The following PHF7 variants were observed in gnomAD, a reference collection of about 807,000 sequenced individuals.
PHF7 encodes PHD finger protein 7, also known as E3 ubiquitin-protein ligase PHF7.
A neutral mutation model predicts 47.5 loss-of-function variants in PHF7; 24 were observed. The observed-to-expected ratio is 0.51, with a 90% CI of 0.37 to 0.71. PHF7 has a LOEUF of 0.71. Ranked by LOEUF, PHF7 falls within the 30% of genes least tolerant of loss-of-function variation. The pLI, the probability that PHF7 is intolerant of heterozygous loss-of-function variation, is 0.00. For missense variants in PHF7, 361 were observed against 456.8 expected (o/e 0.79, Z 1.91); for synonymous variants, 156 against 153.8 (o/e 1.01, Z -0.11).
rs763322036 is a variant in PHF7 at position 52,412,856 on chromosome 3, G to A, written c.-24G>A. The A allele has an allele frequency of 6.3e-7, 1 of 1,586,974 alleles. No individual in the cohort carries two copies. Among genetic ancestry groups the A allele is most frequent in the Non-Finnish European group, 8.6e-7 (1 of 1,156,452 alleles). ...CTCACAATAGTATAGAAGAATTCAA[G>A]AGAGGAGAGAGAGACAGCACCGAAT... On this transcript the variant is annotated 5_prime_UTR_variant, in exon 2 of 11. Transcript: ENST00000327906.
chr3:52,419,682 C>T lies in PHF7; in HGVS notation c.187-151C>T, dbSNP rs1048118418. On this transcript the variant is annotated intron_variant, in intron 4 of 10. Coordinates refer to ENST00000327906, the MANE Select transcript of PHF7 (RefSeq NM_016483.7). ...TCCTGACCTCGTGATCCGCCCGCCT[C>T]GGCCTCCCAAAGTGCCGGGATTACA... is the stretch of plus-strand genomic sequence containing the variant. The T allele has an allele frequency of 3.2e-5, 21 of 666,074 alleles. 1 individual carries two copies. The highest frequency in any genetic ancestry group is 5.4e-5 in the African/African-American group (3 of 55,850). 41.3% of individuals were successfully genotyped at this position (666,074 alleles called of 1,614,324 possible). A position where few individuals can be genotyped will look rare whatever the true frequency, so the allele number is the denominator to read the frequency against.
At chr3:52,422,195 T>A (rs1389210512) in intron 8 of PHF7, 27 bp from the exon 9 acceptor site, 2 of 1,455,172 alleles carry the variant, frequency 1.4e-6, no homozygotes. Context: ...ATTATGTTCT[T>A]ATTCACTGTT....
chr3:52,416,385 C>T lies in PHF7; in HGVS notation c.186+1798C>T, dbSNP rs139553235. On this transcript the variant is annotated intron_variant, in intron 4 of 10. Coordinates refer to ENST00000327906, the MANE Select transcript of PHF7 (RefSeq NM_016483.7). ...ATTTTTAGTAGAGACAGGGTTTCAC[C>T]GTGTTAGCCAGGATGGTCTCGATCT... Among the ~76,000 whole-genome samples, 678 of 150,770 alleles carry T rather than the reference C, an allele frequency of 4.5e-3. 4 individuals carry two copies. The highest frequency in any genetic ancestry group is 0.024 in the South Asian group (113 of 4,788).
rs746794530 is a variant in PHF7, at chr3:52,412,922, T to C, written c.41+2T>C. Reference sequence around the variant, plus strand: ...AAAGAAGGAATGCCAGAGATTGAGGTAGAAGTAGTTGACATAGGGAATTTG... The same window carrying C: ...AAAGAAGGAATGCCAGAGATTGAGGCAGAAGTAGTTGACATAGGGAATTTG... On this transcript the variant is annotated splice_donor_variant, in intron 2 of 10. Transcript: ENST00000327906. LOFTEE classifies it high-confidence loss of function. 1 of 1,607,014 alleles carries C rather than the reference T, an allele frequency of 6.2e-7. No homozygotes were observed. Among genetic ancestry groups the C allele is most frequent in the East Asian group, 2.2e-5 (1 of 44,832 alleles).
intron 4 of PHF7, among the ~76,000 whole-genome samples, chr3:52,418,245 T>G (rs768117134): frequency 6.6e-6 from 1 of 152,208 alleles, no homozygotes; most frequent in Non-Finnish European, 1.5e-5. Flanking sequence ...TCCTATCAGG[T>G]GTCAGGGCTT....
chr3:52,415,228 A>G (rs186821785), intron 4 of PHF7, among the ~76,000 whole-genome samples: 1 of 151,804 alleles, frequency 6.6e-6, no homozygotes, highest in East Asian at 1.9e-4. Context: ...ACGGAGTCTC[A>G]CTCTCTTGCC....
chr3:52,414,619 C>A (rs1220352189), intron 4 of PHF7, 32 bp downstream of exon 4: 2 of 1,290,770 alleles, frequency 1.5e-6, no homozygotes, highest in Non-Finnish European at 2.2e-6. Flanking sequence ...CTTTGAATAT[C>A]CTATGGCTTT....
At chr3:52,412,246 T>A (rs540446178) in intron 1 of PHF7, among the ~76,000 whole-genome samples, 1 of 152,224 alleles carries the variant, frequency 6.6e-6, no homozygotes, top group Non-Finnish European at 1.5e-5. Flanking sequence ...TTGTCAGTGT[T>A]ACCTCTTGTC....
In PHF7 at chr3:52,421,020, C is replaced by T. The variant is rs1409483546; in HGVS notation, c.531C>T (p.Ser177=). The change falls in exon 7 of 11, where the codon AGC becomes AGT. Residue 177 remains serine, a synonymous_variant. Transcript: ENST00000327906. The stretch of plus-strand genomic sequence containing the variant: ...AACAGAGTGTTGAGAACATCCAGAG[C>T]CCGTGTTGTAGTCAAGCCATCTACC... The part of the protein sequence containing the change: ...LSQQSVENIQ[S]PCCSQAIYHR... 1.2e-6 allele frequency: 2 copies of T among 1,613,186 alleles called. No individual in the cohort carries two copies. The highest frequency in any genetic ancestry group is 1.7e-6 in the Non-Finnish European group (2 of 1,179,596).
In PHF7 at chr3:52,421,743, T is replaced by C; in HGVS notation, c.669T>C (p.His223=). 6.3e-7 allele frequency: 1 copy of C among 1,576,482 alleles called. No individual in the cohort carries two copies. The highest frequency in any genetic ancestry group is 1.1e-5 in the South Asian group (1 of 90,252). Residue 223 remains histidine (H), a synonymous_variant, in exon 8 of 11, where the codon CAT becomes CAC. Coordinates refer to ENST00000327906, the MANE Select transcript of PHF7 (RefSeq NM_016483.7). The part of the protein sequence containing the change: ...FPQEMLRMGI[H]IPDRDAAWEL... Reference sequence around the variant, plus strand: ...AAGAAATGCTGAGAATGGGAATTCATATTCCAGACAGGTAGTGGGAACCCC... The same window carrying C: ...AAGAAATGCTGAGAATGGGAATTCACATTCCAGACAGGTAGTGGGAACCCC...
Position 52,423,363 on chromosome 3 carries a change from C to G in PHF7, c.*46C>G. 2 of 1,279,864 alleles carry G rather than the reference C, an allele frequency of 1.6e-6. No individual in the cohort carries two copies. The highest frequency in any genetic ancestry group is 2.2e-6 in the Non-Finnish European group (2 of 890,066). 79.3% of individuals were successfully genotyped at this position (1,279,864 alleles called of 1,614,324 possible). On this transcript the variant is annotated 3_prime_UTR_variant, in exon 11 of 11. Coordinates refer to ENST00000327906, the MANE Select transcript of PHF7 (RefSeq NM_016483.7). Reference sequence around the variant, plus strand: ...TCCCACACAATAGGGTATGAAGCTGCGCTCCTCCATCGGGTTTGGGGAGGG... The same window carrying G: ...TCCCACACAATAGGGTATGAAGCTGGGCTCCTCCATCGGGTTTGGGGAGGG...
In PHF7 at chr3:52,422,250, GC is replaced by G; in HGVS notation, c.710del (p.Ala237ValfsTer116). ...TGCTGCCTGGGAACTCGAGCCAGGG[GC>G]TTTCTCAGACTTATATCAGCGCTAT... is the stretch of plus-strand genomic sequence containing the variant. ...RDAAWELEPG[A>X]FSDLYQRYQH... On this transcript the variant is annotated frameshift_variant, in exon 9 of 11. Transcript: ENST00000327906. LOFTEE classifies it high-confidence loss of function. 1 of 1,613,766 alleles carries G rather than the reference GC, an allele frequency of 6.2e-7. No homozygotes were observed. Among genetic ancestry groups the G allele is most frequent in the Non-Finnish European group, 8.5e-7 (1 of 1,179,638 alleles).
chr3:52,412,927 G>T lies in PHF7; in HGVS notation c.41+7G>T. 2 of 1,605,702 alleles carry T rather than the reference G, an allele frequency of 1.2e-6. No individual in the cohort carries two copies. The highest frequency in any genetic ancestry group is 8.5e-7 in the Non-Finnish European group (1 of 1,173,168). On this transcript the variant is annotated splice_region_variant and intron_variant, in intron 2 of 10. Transcript: ENST00000327906. ...AGGAATGCCAGAGATTGAGGTAGAA[G>T]TAGTTGACATAGGGAATTTGGGAGA... is the stretch of plus-strand genomic sequence containing the variant.
chr3:52,414,483 TC>T lies in PHF7; in HGVS notation c.95-11del, dbSNP rs752976560. ...GTCAATTTGAGCCAAATTCTGGGTG[TC>T]CTCTCTTCCAGTTTGCTGGCTATGC... On this transcript the variant is annotated splice_polypyrimidine_tract_variant and intron_variant, in intron 3 of 10. Transcript: ENST00000327906. 3.2e-6 allele frequency: 5 copies of T among 1,542,174 alleles called. No individual in the cohort carries two copies. The highest frequency in any genetic ancestry group is 4.5e-6 in the Non-Finnish European group (5 of 1,117,030).
In PHF7 at chr3:52,421,694, G is replaced by A. The variant is rs1705796531; in HGVS notation, c.620G>A (p.Cys207Tyr). ...SAKHFFKCPQCNNRKEFPQEM... is the reference protein window; with the variant it reads ...SAKHFFKCPQYNNRKEFPQEM... Reference sequence around the variant, plus strand: ...AAGCATTTCTTCAAATGTCCACAGTGTAACAATCGAAAAGAGTTTCCTCAA... The same window carrying A: ...AAGCATTTCTTCAAATGTCCACAGTATAACAATCGAAAAGAGTTTCCTCAA... Residue 207 changes from cysteine (C) to tyrosine (Y), a missense_variant, in exon 8 of 11, where the codon TGT (cysteine) becomes TAT (tyrosine). Physicochemically the swap from Cys to Tyr is radical, Grantham distance 194. Coordinates refer to ENST00000327906, the MANE Select transcript of PHF7 (RefSeq NM_016483.7). 1.2e-6 allele frequency: 2 copies of A among 1,610,088 alleles called. No individual in the cohort carries two copies. The highest frequency in any genetic ancestry group is 2.7e-5 in the African/African-American group (2 of 74,948).
chr3:52,419,094 C>T (rs1270026699), intron 4 of PHF7, among the ~76,000 whole-genome samples: 6 of 152,002 alleles, frequency 3.9e-5, no homozygotes, highest in South Asian at 2.1e-4. Context: ...TGTGAGCCAC[C>T]GTGCCTGGCC....
At position 52,421,290 on chromosome 3, in the gene PHF7, C is replaced by A. The variant is rs540345410; in HGVS notation, c.573+228C>A. 6.6e-5 allele frequency among the ~76,000 whole-genome samples: 10 copies of A among 152,334 alleles called. No homozygotes were observed. The East Asian group carries it at 1.9e-3, about 29-fold the overall frequency. ...GATTTAGAATAAGCAAAATCTTCAG[C>A]ATTGCTAGAGCAAATGGGCTCATCC... On this transcript the variant is annotated intron_variant, in intron 7 of 10. Transcript: ENST00000327906.
At position 52,410,909 on chromosome 3, in the gene PHF7, C is replaced by T. The variant is rs1705404374; in HGVS notation, c.-408C>T. ...CATCCGCGGGATGCTCCTTAAGCCCCTTCTCCGGCTGTTAACCTCCGGGGA... is the reference window on the plus strand; with the variant it reads ...CATCCGCGGGATGCTCCTTAAGCCCTTTCTCCGGCTGTTAACCTCCGGGGA... On this transcript the variant is annotated 5_prime_UTR_variant, in exon 1 of 11. Transcript: ENST00000327906. The T allele has an allele frequency of 6.6e-6, 1 of 152,294 alleles. No individual in the cohort carries two copies. Among genetic ancestry groups the T allele is most frequent in the Non-Finnish European group, 1.5e-5 (1 of 68,068 alleles). The allele number at this position is 152,294 out of a possible 1,614,324, so 9.4% of individuals were successfully genotyped here. A position where few individuals can be genotyped will look rare whatever the true frequency, so the allele number is the denominator to read the frequency against.
chr3:52,412,512 G>T (rs1705481874), intron 1 of PHF7, among the ~76,000 whole-genome samples: 1 of 152,212 alleles, frequency 6.6e-6, no homozygotes, highest in Admixed American at 6.5e-5. Context: ...GAGAGTTAGT[G>T]TTGGCCTCTG....
Sources: allele counts gnomAD v4.1 joint callset (sites outside exome capture counted in the v4.1 genomes callset), GRCh38; gene constraint gnomAD v4.1.1; transcripts MANE v1.5; gene names NCBI Gene and HGNC (gene_info 2026-07-23, HGNC 2026-07-21).